ABCC4: variants seen among roughly 807,000 people sequenced by gnomAD.
ABCC4 encodes ATP binding cassette subfamily C member 4 (PEL blood group).
ABCC4 carries 102 observed loss-of-function variants against 168.5 expected under a neutral mutation model. The observed-to-expected ratio is 0.61, with a 90% CI of 0.52 to 0.71. ABCC4 has a LOEUF of 0.71. Ranked by LOEUF, ABCC4 falls within the 30% of genes least tolerant of loss-of-function variation. The probability of loss-of-function intolerance (pLI) is 0.00; values close to 1 mark genes in which losing one functional copy is unlikely to be tolerated. For missense variants in ABCC4, 1,402 were observed against 1,605.8 expected (o/e 0.87, Z 2.17); for synonymous variants, 617 against 590.7 (o/e 1.04, Z -0.65).
chr13:95,029,190 A>C (rs371731178), intron 30 of ABCC4, among the ~76,000 whole-genome samples: 20,343 of 92,020 alleles, frequency 0.22, 1,836 homozygotes, highest in Admixed American at 0.26. Context: ...ATATATATAT[A>C]TATATATATA....
chr13:95,036,645 T>G lies in ABCC4; in HGVS notation c.3736-1906A>C, dbSNP rs1367645031. Among the ~76,000 whole-genome samples the G allele has an allele frequency of 7.2e-5, 11 of 152,206 alleles. No individual in the cohort carries two copies. The East Asian group carries it at 1.9e-3, about 27-fold the overall frequency. On this transcript the variant is annotated intron_variant, in intron 29 of 30. Transcript: ENST00000645237. The stretch of plus-strand genomic sequence containing the variant: ...AACAACTTAGCAACTGCATTTTATT[T>G]GTTAGGAGAGTTTTTGAGTTTAGGG...
chr13:95,266,700 C>T (rs1208705266), intron 1 of ABCC4, among the ~76,000 whole-genome samples: 2 of 152,104 alleles, frequency 1.3e-5, no homozygotes, highest in Non-Finnish European at 2.9e-5. Context: ...GCCATCTTCC[C>T]CCATTAGTAA....
chr13:95,083,057 C>A, intron 21 of ABCC4, 83 bp downstream of exon 21: 1 of 1,471,730 alleles, frequency 6.8e-7, no homozygotes, highest in East Asian at 2.3e-5. Flanking sequence ...CAGAGTCTGC[C>A]GAATTTCAGG....
chr13:95,082,915 G>A lies in ABCC4; in HGVS notation c.2686+225C>T, dbSNP rs41277658. Among the ~76,000 whole-genome samples, 5,757 of 152,168 alleles carry A rather than the reference G, an allele frequency of 0.038. 159 individuals are homozygous for A. The highest frequency in any genetic ancestry group is 0.056 in the Non-Finnish European group (3,829 of 68,014). On this transcript the variant is annotated intron_variant, in intron 21 of 30. Transcript: ENST00000645237. Reference sequence around the variant, plus strand: ...CCTGTAGAATATTACTCCCCATATGGCCTTCACTCCTTCCTTATTCCAAAT... The same window carrying A: ...CCTGTAGAATATTACTCCCCATATGACCTTCACTCCTTCCTTATTCCAAAT...
intron 3 of ABCC4, among the ~76,000 whole-genome samples, chr13:95,242,669 G>A (rs9302051): frequency 0.54 from 82,547 of 152,072 alleles, 23,021 homozygotes; most frequent in African/African-American, 0.67. Flanking sequence ...ATAGGCATAA[G>A]CCACCATGCC....
chr13:95,060,100 T>A (rs35207821), intron 26 of ABCC4, among the ~76,000 whole-genome samples: 22,576 of 152,244 alleles, frequency 0.15, 2,057 homozygotes, highest in East Asian at 0.28. Flanking sequence ...ACAGTCCCTC[T>A]AGACTATGTT....
intron 1 of ABCC4, among the ~76,000 whole-genome samples, chr13:95,274,169 C>A (rs964712768): frequency 6.6e-6 from 1 of 152,218 alleles, no homozygotes; most frequent in African/African-American, 2.4e-5. Context: ...TCTGCCCAAG[C>A]AACTTTCCCC....
At chr13:95,228,814 C>A (rs1025721478) in intron 4 of ABCC4, among the ~76,000 whole-genome samples, 1 of 149,744 alleles carries the variant, frequency 6.7e-6, no homozygotes, top group African/African-American at 2.5e-5. Flanking sequence ...AATCCTGGTA[C>A]TTTGGGAGGC....
At chr13:95,276,234 C>G (rs937044978) in intron 1 of ABCC4, among the ~76,000 whole-genome samples, 3 of 151,510 alleles carry the variant, frequency 2.0e-5, no homozygotes, top group Non-Finnish European at 4.4e-5. Flanking sequence ...GGCAACATGG[C>G]AAGACCTAGT....
chr13:95,101,125 C>A (rs190963044), intron 20 of ABCC4, among the ~76,000 whole-genome samples: 2 of 152,170 alleles, frequency 1.3e-5, no homozygotes, highest in African/African-American at 2.4e-5. Context: ...CTCCCACCCC[C>A]CTAGGGAAGA....
chr13:95,032,965 CTTT>C lies in ABCC4; in HGVS notation c.3870+1637_3870+1639del, dbSNP rs74329595. ...ACAGGTGTGAGCCATCACGCCTGGT[CTTT>C]TTTTTTTTTTTTTTTTTTTGAGATG... On this transcript the variant is annotated intron_variant, in intron 30 of 30. Coordinates refer to ENST00000645237, the MANE Select transcript of ABCC4 (RefSeq NM_005845.5). 1.0e-4 allele frequency among the ~76,000 whole-genome samples: 9 copies of C among 86,252 alleles called. No individual in the cohort carries two copies. In the East Asian group the frequency reaches 2.2e-3, roughly 21 times the overall value. The allele number at this position is 86,252 out of a possible 152,430, so 56.6% of individuals were successfully genotyped here.
In ABCC4 at chr13:95,171,049, GC is replaced by G. The variant is rs542706038; in HGVS notation, c.1728-422del. Among the ~76,000 whole-genome samples, 21 of 145,300 alleles carry G rather than the reference GC, an allele frequency of 1.4e-4. No homozygotes were observed. In the East Asian group the frequency reaches 1.6e-3, roughly 11 times the overall value. On this transcript the variant is annotated intron_variant, in intron 13 of 30. Transcript: ENST00000645237. ...GATAATTTATAATGCACATATCAAC[GC>G]CCCCCCTCCACCCCCCGCAAAAAGG...
At chr13:95,127,871 C>T (rs773308303) in intron 19 of ABCC4, among the ~76,000 whole-genome samples, 18 of 152,138 alleles carry the variant, frequency 1.2e-4, no homozygotes, top group Non-Finnish European at 2.5e-4. Flanking sequence ...TGAAGGAAAC[C>T]TCAATAACTG....
intron 11 of ABCC4, among the ~76,000 whole-genome samples, chr13:95,180,134 A>G (rs928761475): frequency 8.6e-5 from 13 of 151,984 alleles, no homozygotes; most frequent in African/African-American, 3.1e-4. Flanking sequence ...GTCCCCTAAT[A>G]CTCCAATCTG....
chr13:95,170,610 C>A lies in ABCC4; in HGVS notation c.1746G>T (p.Leu582Phe). 2 of 1,610,210 alleles carry A rather than the reference C, an allele frequency of 1.2e-6. No homozygotes were observed. Among genetic ancestry groups the A allele is most frequent in the Non-Finnish European group, 1.7e-6 (2 of 1,178,402 alleles). Residue 582 changes from leucine (L) to phenylalanine (F), a missense_variant, in exon 14 of 31, where the codon TTG becomes TTT. Transcript: ENST00000645237. ...HLFELCICQI[L>F]HEKITILVTH... ...TCACTAAAATTGTGATCTTCTCATG[C>A]AAAATTTGACAAATACACCTATAAA...
At chr13:95,298,081 G>A (rs1259325581) in intron 1 of ABCC4, among the ~76,000 whole-genome samples, 1 of 152,110 alleles carries the variant, frequency 6.6e-6, no homozygotes, top group Non-Finnish European at 1.5e-5. Flanking sequence ...CTGAGGTCAG[G>A]AGTTCAAGAC....
intron 1 of ABCC4, among the ~76,000 whole-genome samples, chr13:95,252,342 T>C (rs2040286562): frequency 6.6e-6 from 1 of 152,214 alleles, no homozygotes; most frequent in Non-Finnish European, 1.5e-5. Flanking sequence ...TGTTAATCTC[T>C]TACTGTGCTC....
At chr13:95,023,193 C>T (rs1212311470) in intron 30 of ABCC4, among the ~76,000 whole-genome samples, 1 of 152,176 alleles carries the variant, frequency 6.6e-6, no homozygotes, top group Admixed American at 6.5e-5. Context: ...CTGCTTCCTT[C>T]TGTGTAACCC....
intron 4 of ABCC4, among the ~76,000 whole-genome samples, chr13:95,229,266 AG>A (rs2039551359): frequency 2.0e-5 from 3 of 152,220 alleles, no homozygotes; most frequent in African/African-American, 7.2e-5. Context: ...TAAATGATAA[AG>A]GAAAACTAGA....
Sources: gnomAD v4.1 joint callset for allele counts (sites outside exome capture counted in the v4.1 genomes callset) on GRCh38, gnomAD v4.1.1 for gene constraint, MANE v1.5 for transcripts, NCBI Gene and HGNC (gene_info 2026-07-23, HGNC 2026-07-21) for gene names.